The following PCDHGB6 variants were observed in gnomAD, a reference collection of about 807,000 sequenced individuals.
PCDHGB6 encodes protocadherin gamma subfamily B, 6.
A neutral mutation model predicts 59.1 loss-of-function variants in PCDHGB6; 51 were observed. The observed-to-expected ratio is 0.86, with a 90% confidence interval of 0.69 to 1.09. The LOEUF is 1.09. Among genes scored for constraint, PCDHGB6 ranks in the 50% least tolerant of loss-of-function variants. The probability of loss-of-function intolerance (pLI) is 0.00; values close to 1 mark genes in which losing one functional copy is unlikely to be tolerated. For synonymous variants in PCDHGB6, 466 were observed against 495.1 expected (o/e 0.94, Z 0.78); for missense variants, 1,148 against 1,205.1 (o/e 0.95, Z 0.70).
intron 2 of PCDHGB6, among the ~76,000 whole-genome samples, chr5:141,501,334 C>T (rs1462003251): frequency 6.9e-6 from 1 of 145,376 alleles, no homozygotes; most frequent in Non-Finnish European, 1.5e-5. Context: ...CACACACACA[C>T]CCCAAACTCA....
At chr5:141,422,379 C>G (rs2096644662) in intron 1 of PCDHGB6, 1 of 1,576,826 alleles carries the variant, frequency 6.3e-7, no homozygotes, top group East Asian at 2.2e-5. Flanking sequence ...GTCAAGTCTC[C>G]TGTTTTATTC....
chr5:141,427,150 T>C (rs570999921), intron 1 of PCDHGB6: 6 of 456,866 alleles, frequency 1.3e-5, no homozygotes, highest in African/African-American at 4.0e-5. Flanking sequence ...ATTGGAAATA[T>C]GTTTGTGCTA....
At chr5:141,433,289 G>C in intron 1 of PCDHGB6, 1 of 1,130,682 alleles carries the variant, frequency 8.8e-7, no homozygotes, top group Non-Finnish European at 1.3e-6. Context: ...AAACTCCTAG[G>C]CTCAAGCAAT....
intron 2 of PCDHGB6, among the ~76,000 whole-genome samples, chr5:141,495,902 C>T (rs749735668): frequency 2.6e-5 from 4 of 152,120 alleles, no homozygotes; most frequent in Non-Finnish European, 2.9e-5. Context: ...TTGTCTCTGT[C>T]TCTGTATATC....
In PCDHGB6 at chr5:141,421,044, C is replaced by A. The variant is rs556562994; in HGVS notation, c.2418+10424C>A. 5.5e-6 allele frequency: 3 copies of A among 548,610 alleles called. No individual in the cohort carries two copies. In the South Asian group the frequency reaches 8.2e-5, roughly 15 times the overall value. The allele number at this position is 548,610 out of a possible 1,614,324, so 34.0% of individuals were successfully genotyped here. A position where few individuals can be genotyped will look rare whatever the true frequency, so the allele number is the denominator to read the frequency against. ...CGCGCCATTGAGTCCCTCCCTCCCCCGCCTCTACCACACAAAGCGGAATGA... is the reference window on the plus strand; with the variant it reads ...CGCGCCATTGAGTCCCTCCCTCCCCAGCCTCTACCACACAAAGCGGAATGA... On this transcript the variant is annotated intron_variant, in intron 1 of 3. Transcript: ENST00000520790.
Position 141,485,486 on chromosome 5 carries a change from C to T in PCDHGB6, c.2419-9321C>T, listed in dbSNP as rs2099614522. 6 of 1,614,102 alleles carry T rather than the reference C, an allele frequency of 3.7e-6. No individual in the cohort carries two copies. The highest frequency in any genetic ancestry group is 2.2e-5 in the East Asian group (1 of 44,866). The stretch of plus-strand genomic sequence containing the variant: ...TGGGCTCAGTGCCAGCTGCATCGTG[C>T]CCCTGGAGTTTGTCACCGAAGGTCC... On this transcript the variant is annotated intron_variant, in intron 1 of 3. Coordinates refer to ENST00000520790, the MANE Select transcript of PCDHGB6 (RefSeq NM_018926.3). This position sits in a 1 kb window ranked among gnomAD's most constrained non-coding sequence, Gnocchi z 5.7.
At chr5:141,422,781 A>C (rs746943605) in intron 1 of PCDHGB6, 13 of 1,613,964 alleles carry the variant, frequency 8.1e-6, no homozygotes, top group African/African-American at 1.3e-5. Flanking sequence ...TCTATGCCCT[A>C]CAATCCTTCG....
At chr5:141,507,450 CAG>C (rs940460926) in intron 3 of PCDHGB6, among the ~76,000 whole-genome samples, 3 of 152,168 alleles carry the variant, frequency 2.0e-5, no homozygotes, top group African/African-American at 7.2e-5. Flanking sequence ...GACGGAAGGA[CAG>C]AGAGAGAGGT....
In PCDHGB6 at chr5:141,419,493, A is replaced by G. The variant is rs1246204844; in HGVS notation, c.2418+8873A>G. 5.0e-6 allele frequency: 8 copies of G among 1,612,382 alleles called. No individual in the cohort carries two copies. The highest frequency in any genetic ancestry group is 1.7e-4 in the Middle Eastern group (1 of 5,978). On this transcript the variant is annotated intron_variant, in intron 1 of 3. Coordinates refer to ENST00000520790, the MANE Select transcript of PCDHGB6 (RefSeq NM_018926.3). ...CAGGGCTCGCCCGCGCTCAGCGCCA[A>G]TGTGAGCCTGCGCGTGTTGGTGGGC...
intron 1 of PCDHGB6, chr5:141,423,553 T>G: frequency 2.5e-6 from 4 of 1,613,548 alleles, no homozygotes; most frequent in Non-Finnish European, 3.4e-6. Flanking sequence ...CCAGCCCAAC[T>G]ATGGGGACAC....
chr5:141,470,911 G>A (rs1208467445), intron 1 of PCDHGB6, among the ~76,000 whole-genome samples: 1 of 151,916 alleles, frequency 6.6e-6, no homozygotes, highest in Non-Finnish European at 1.5e-5. Context: ...AGATGGGACT[G>A]TCCCTATGTT....
Position 141,510,985 on chromosome 5 carries a change from G to A in PCDHGB6, c.2605G>A (p.Gly869Ser), listed in dbSNP as rs1278517639. Residue 869 changes from glycine to serine, a missense_variant, in exon 4 of 4, where the codon GGC becomes AGC. Transcript: ENST00000520790. ...DGSSTLGGGA[G>S]TMGLSARYGP... ...GAGCTCCACCCTGGGAGGGGGTGCCGGCACCATGGGATTGAGCGCCCGCTA... is the reference window on the plus strand; with the variant it reads ...GAGCTCCACCCTGGGAGGGGGTGCCAGCACCATGGGATTGAGCGCCCGCTA... 19 of 1,614,090 alleles carry A rather than the reference G, an allele frequency of 1.2e-5. No individual in the cohort carries two copies. The highest frequency in any genetic ancestry group is 2.2e-5 in the East Asian group (1 of 44,880).
intron 1 of PCDHGB6, among the ~76,000 whole-genome samples, chr5:141,442,717 C>T (rs918238654): frequency 1.3e-5 from 2 of 152,166 alleles, no homozygotes; most frequent in African/African-American, 2.4e-5. Flanking sequence ...CATGCCAGAG[C>T]ATTTGGGGCC....
chr5:141,447,428 G>C (rs542079336), intron 1 of PCDHGB6, among the ~76,000 whole-genome samples: 1 of 152,184 alleles, frequency 6.6e-6, no homozygotes, highest in African/African-American at 2.4e-5. Flanking sequence ...GTGAGCCACC[G>C]CACCCGGAGG....
chr5:141,485,888 G>T lies in PCDHGB6; in HGVS notation c.2419-8919G>T, dbSNP rs1166795987. 3 of 1,614,028 alleles carry T rather than the reference G, an allele frequency of 1.9e-6. No homozygotes were observed. The highest frequency in any genetic ancestry group is 2.5e-6 in the Non-Finnish European group (3 of 1,180,032). ...ATCCGTGCTGGACGTAAACGACAAC[G>T]CCCCAGCCTTCCAGCAATCCAGCTA... On this transcript the variant is annotated intron_variant, in intron 1 of 3. Coordinates refer to ENST00000520790, the MANE Select transcript of PCDHGB6 (RefSeq NM_018926.3). The surrounding 1 kb of genome is among the most constrained non-coding windows in gnomAD (Gnocchi z 5.7).
In PCDHGB6 at chr5:141,409,988, G is replaced by A. The variant is rs373071156; in HGVS notation, c.1786G>A (p.Ala596Thr). 2.7e-5 allele frequency: 43 copies of A among 1,613,160 alleles called. No homozygotes were observed. The highest frequency in any genetic ancestry group is 5.3e-5 in the African/African-American group (4 of 74,934). The change falls in exon 1 of 4, where the codon GCC becomes ACC. Residue 596 changes from alanine (A) to threonine (T), a missense_variant. Physicochemically the swap from Ala to Thr is moderately conservative, Grantham distance 58. Transcript: ENST00000520790. The part of the protein sequence containing the change: ...YLVTKVVAVD[A>T]DSGHNAWLSY... ...AGTGACTAAGGTGGTAGCGGTGGAC[G>A]CCGACTCGGGACACAACGCCTGGCT...
Position 141,431,634 on chromosome 5 carries a change from T to C in PCDHGB6, c.2418+21014T>C. 2.5e-6 allele frequency: 4 copies of C among 1,614,238 alleles called. No homozygotes were observed. Among genetic ancestry groups the C allele is most frequent in the Non-Finnish European group, 3.4e-6 (4 of 1,180,044 alleles). ...GTGGACGACAAGGCGGCCCAAGTTTTCAAACTAGATTGTAATTCAGGGACA... is the reference window on the plus strand; with the variant it reads ...GTGGACGACAAGGCGGCCCAAGTTTCCAAACTAGATTGTAATTCAGGGACA... On this transcript the variant is annotated intron_variant, in intron 1 of 3. Coordinates refer to ENST00000520790, the MANE Select transcript of PCDHGB6 (RefSeq NM_018926.3). The surrounding 1 kb of genome is among the most constrained non-coding windows in gnomAD (Gnocchi z 4.8).
At chr5:141,504,709 C>G (rs11743102) in intron 2 of PCDHGB6, among the ~76,000 whole-genome samples, 29,287 of 151,306 alleles carry the variant, frequency 0.19, 2,876 homozygotes, top group Middle Eastern at 0.24. Context: ...CTTCTATGGC[C>G]GTGGATTTTA....
chr5:141,437,741 CTTT>C (rs35124340), intron 1 of PCDHGB6, among the ~76,000 whole-genome samples: 1 of 141,708 alleles, frequency 7.1e-6, no homozygotes. Context: ...TTGAGTTCAC[CTTT>C]TTTTTTTTTT....
Sources: gnomAD v4.1 joint callset for allele counts (sites outside exome capture counted in the v4.1 genomes callset) on GRCh38, gnomAD v4.1.1 for gene constraint, Gnocchi (gnomAD v3.1) non-coding constraint, MANE v1.5 for transcripts, NCBI Gene and HGNC (gene_info 2026-07-23, HGNC 2026-07-21) for gene names.